The following MYO18A variants were observed in gnomAD, a reference collection of about 807,000 sequenced individuals.
MYO18A encodes the protein myosin XVIIIA, also known as unconventional myosin-XVIIIa.
Under a neutral mutation model 235.8 loss-of-function variants are expected in MYO18A, and 78 were observed. The ratio of observed to expected loss-of-function variants is 0.33; its 90% CI spans 0.28 to 0.40. The LOEUF (loss-of-function observed/expected upper bound fraction) is 0.40, where lower values mean the gene tolerates loss of function less well. Ranked by LOEUF, MYO18A falls within the 10% of genes least tolerant of loss-of-function variation. MYO18A has a pLI of 1.00. For missense variants in MYO18A, 2,215 were observed against 2,699.3 expected (o/e 0.82, Z 3.98); for synonymous variants, 977 against 1,077.8 (o/e 0.91, Z 1.83).
rs777985641 is a variant in MYO18A at position 29,098,902 on chromosome 17, G to C, written c.3704C>G (p.Pro1235Arg). The C allele has an allele frequency of 1.2e-6, 2 of 1,613,762 alleles. No homozygotes were observed. Among genetic ancestry groups the C allele is most frequent in the East Asian group, 4.5e-5 (2 of 44,898 alleles). The change falls in exon 23 of 42, where the codon CCC becomes CGC. Residue 1235 changes from proline (P) to arginine (R), a missense_variant. Physicochemically the swap from Pro to Arg is moderately radical, Grantham distance 103. Coordinates refer to ENST00000527372, the MANE Select transcript of MYO18A (RefSeq NM_078471.4). Reference protein sequence around the residue: ...IKKNKGVKDWPWWKLFTTVRP... With the variant: ...IKKNKGVKDWRWWKLFTTVRP... Reference sequence around the variant, plus strand: ...CACTGTGGTAAAAAGCTTCCACCAGGGCCAGTCCTTCACCCCTTTGTTCTT... The same window carrying C: ...CACTGTGGTAAAAAGCTTCCACCAGCGCCAGTCCTTCACCCCTTTGTTCTT...
chr17:29,172,746 A>G (rs1207152184), intron 1 of MYO18A, among the ~76,000 whole-genome samples: 1 of 152,244 alleles, frequency 6.6e-6, no homozygotes, highest in Non-Finnish European at 1.5e-5. Flanking sequence ...ACCTTTGTAC[A>G]TGGAAAGTAA....
Position 29,096,888 on chromosome 17 carries a change from CCTCA to C in MYO18A, c.4254_4257del (p.Ser1418ArgfsTer17). On this transcript the variant is annotated frameshift_variant, in exon 28 of 42. Transcript: ENST00000527372. LOFTEE classifies it high-confidence loss of function. Reference sequence around the variant, plus strand: ...AGCTGCTGCAGAGCCCGCTGACTCTCCTCACTATCTGCCTGCAGGTCCCCGAGCT... The same window carrying C: ...AGCTGCTGCAGAGCCCGCTGACTCTCCTATCTGCCTGCAGGTCCCCGAGCT... The C allele has an allele frequency of 6.3e-7, 1 of 1,577,954 alleles. No individual in the cohort carries two copies. The highest frequency in any genetic ancestry group is 8.6e-7 in the Non-Finnish European group (1 of 1,162,924).
chr17:29,119,232 G>T, intron 8 of MYO18A, 103 bp downstream of exon 8: 1 of 810,686 alleles, frequency 1.2e-6, no homozygotes, highest in Non-Finnish European at 2.0e-6. Context: ...AACAGTGCAG[G>T]ATGCGATCAA....
chr17:29,154,360 C>A (rs930636379), intron 2 of MYO18A, among the ~76,000 whole-genome samples: 1 of 152,050 alleles, frequency 6.6e-6, no homozygotes, highest in Admixed American at 6.5e-5. Flanking sequence ...AGGCTGGTAC[C>A]CCTAGGAGAA....
chr17:29,125,983 C>CTAT lies in MYO18A; in HGVS notation c.1000-3733_1000-3731dup. 3 of 985,474 alleles carry CTAT rather than the reference C, an allele frequency of 3.0e-6. No individual in the cohort carries two copies. The highest frequency in any genetic ancestry group is 3.6e-6 in the Non-Finnish European group (3 of 829,548). The allele number at this position is 985,474 out of a possible 1,614,324, so 61.0% of individuals were successfully genotyped here. On this transcript the variant is annotated intron_variant, in intron 2 of 41. Transcript: ENST00000527372. This position sits in a 1 kb window ranked among gnomAD's most constrained non-coding sequence, Gnocchi z 5.1. ...CAGCTCCTGCCTAAAGGTTAAACCACTATTAGTCCCAGCCCAGAAATGGAG... is the reference window on the plus strand; with the variant it reads ...CAGCTCCTGCCTAAAGGTTAAACCACTATTATTAGTCCCAGCCCAGAAATGGAG...
In MYO18A at chr17:29,110,103, T is replaced by C; in HGVS notation, c.3088-2A>G. 6.2e-7 allele frequency: 1 copy of C among 1,608,790 alleles called. No individual in the cohort carries two copies. The highest frequency in any genetic ancestry group is 8.5e-7 in the Non-Finnish European group (1 of 1,179,276). On this transcript the variant is annotated splice_acceptor_variant, in intron 18 of 41. Transcript: ENST00000527372. LOFTEE classifies it high-confidence loss of function. ...CTTGATGGTGTCGATGAGGGCGTCC[T>C]GCCGAGGGGAAGAGACTGCCCTCAG...
At chr17:29,113,916 C>G in intron 15 of MYO18A, 95 bp downstream of exon 15, 1 of 999,498 alleles carries the variant, frequency 1.0e-6, no homozygotes, top group Non-Finnish European at 1.5e-6. Context: ...ACAGTGGCAC[C>G]CCCAGCAGCA....
At chr17:29,146,590 G>C (rs1031828903) in intron 2 of MYO18A, among the ~76,000 whole-genome samples, 2 of 152,240 alleles carry the variant, frequency 1.3e-5, no homozygotes, top group Non-Finnish European at 2.9e-5. Context: ...TGGAGGGCAT[G>C]TGACCCAATC....
At chr17:29,124,478 C>T (rs1005426323) in intron 2 of MYO18A, among the ~76,000 whole-genome samples, 17 of 152,170 alleles carry the variant, frequency 1.1e-4, no homozygotes, top group African/African-American at 2.2e-4. Flanking sequence ...CTCAAGCTCC[C>T]GGCACTACCT....
chr17:29,147,709 C>T (rs1462373315), intron 2 of MYO18A, among the ~76,000 whole-genome samples: 1 of 151,730 alleles, frequency 6.6e-6, no homozygotes, highest in Non-Finnish European at 1.5e-5. Flanking sequence ...CAAGACCAGC[C>T]TGGGAAACAC....
intron 2 of MYO18A, among the ~76,000 whole-genome samples, chr17:29,151,232 T>C (rs1409329005): frequency 6.6e-6 from 1 of 152,126 alleles, no homozygotes; most frequent in Admixed American, 6.5e-5. Flanking sequence ...AGACCCCGTC[T>C]CAGAAAAAAT....
rs2067195059 is a variant in MYO18A at position 29,121,350 on chromosome 17, G to C, written c.1372-139C>G. The C allele has an allele frequency of 8.8e-7, 1 of 1,132,204 alleles. No individual in the cohort carries two copies. The highest frequency in any genetic ancestry group is 2.6e-5 in the East Asian group (1 of 38,716). 70.1% of individuals were successfully genotyped at this position (1,132,204 alleles called of 1,614,324 possible). On this transcript the variant is annotated intron_variant, in intron 5 of 41. Coordinates refer to ENST00000527372, the MANE Select transcript of MYO18A (RefSeq NM_078471.4). This position sits in a 1 kb window ranked among gnomAD's most constrained non-coding sequence, Gnocchi z 4.2. ...GATTCCAAGGCCAAGGCCATGCATG[G>C]AAATGAAGACACTAAGTCCTGGACT...
Position 29,073,799 on chromosome 17 carries a change from T to A in MYO18A, c.*971A>T, listed in dbSNP as rs1443987726. 2.6e-6 allele frequency: 4 copies of A among 1,525,442 alleles called. No individual in the cohort carries two copies. Among genetic ancestry groups the A allele is most frequent in the Non-Finnish European group, 3.6e-6 (4 of 1,121,250 alleles). 94.5% of individuals were successfully genotyped at this position (1,525,442 alleles called of 1,614,324 possible). ...TCAGGACACAGAGTGAGGACTCATG[T>A]CTAATGAGCACCGGCCAAAACTTCC... On this transcript the variant is annotated 3_prime_UTR_variant, in exon 42 of 42. Transcript: ENST00000527372.
At chr17:29,170,241 G>A (rs1174674316) in intron 1 of MYO18A, among the ~76,000 whole-genome samples, 1 of 152,160 alleles carries the variant, frequency 6.6e-6, no homozygotes, top group African/African-American at 2.4e-5. Flanking sequence ...GGCTGTGCCA[G>A]CCCTTCCCTC....
chr17:29,112,465 C>A (rs1470466059), intron 15 of MYO18A, among the ~76,000 whole-genome samples: 3 of 152,250 alleles, frequency 2.0e-5, no homozygotes, highest in African/African-American at 7.2e-5. Context: ...AGCTAGAGAG[C>A]AGGTATCCCT....
chr17:29,075,694 G>C (rs943102710), intron 41 of MYO18A: 1 of 163,944 alleles, frequency 6.1e-6, no homozygotes, highest in African/African-American at 2.4e-5. Context: ...CAGGGAAGAG[G>C]GGACCTCATC....
intron 41 of MYO18A, chr17:29,080,737 C>T (rs188941138): frequency 1.9e-5 from 19 of 985,472 alleles, no homozygotes; most frequent in African/African-American, 3.5e-5. Context: ...CCGGCCAGCG[C>T]GCCCCCCGGT....
chr17:29,103,026 C>G (rs2066693468), intron 21 of MYO18A, among the ~76,000 whole-genome samples: 1 of 152,244 alleles, frequency 6.6e-6, no homozygotes, highest in Non-Finnish European at 1.5e-5. Flanking sequence ...GAATGCTCAG[C>G]TGACCCTTTG....
chr17:29,133,852 C>G (rs1220737414), intron 2 of MYO18A: 3 of 1,289,334 alleles, frequency 2.3e-6, no homozygotes, highest in Non-Finnish European at 1.0e-6. Context: ...TGAAGGTAAC[C>G]TGTGCCCTGG....
Sources: gnomAD v4.1 joint callset for allele counts (sites outside exome capture counted in the v4.1 genomes callset) on GRCh38, gnomAD v4.1.1 for gene constraint, Gnocchi (gnomAD v3.1) non-coding constraint, MANE v1.5 for transcripts, NCBI Gene and HGNC (gene_info 2026-07-23, HGNC 2026-07-21) for gene names.